Variants in ADGB observed in about 807,000 individuals in gnomAD.
ADGB encodes calpain-7-like protein.
Under a neutral mutation model 210.5 loss-of-function variants are expected in ADGB, and 172 were observed. The ratio of observed to expected loss-of-function variants is 0.82; its 90% CI spans 0.72 to 0.93. ADGB has a LOEUF of 0.93. Among genes scored for constraint, ADGB ranks in the 40% least tolerant of loss-of-function variants. ADGB has a pLI of 0.00. For missense variants in ADGB, 2,025 were observed against 1,964.8 expected (o/e 1.03, Z -0.58); for synonymous variants, 658 against 662.7 (o/e 0.99, Z 0.11).
chr6:146,808,045 G>T (rs754155545), intron 35 of ADGB, among the ~76,000 whole-genome samples: 1 of 141,900 alleles, frequency 7.0e-6, no homozygotes, highest in Admixed American at 7.2e-5. Context: ...TGTTGCCCAG[G>T]CTGGAGTGCA....
intron 26 of ADGB, among the ~76,000 whole-genome samples, chr6:146,749,895 C>T (rs925036373): frequency 2.0e-5 from 3 of 152,108 alleles, no homozygotes; most frequent in African/African-American, 4.8e-5. Flanking sequence ...AACTCACTCA[C>T]TATCATGAGG....
Position 146,674,274 on chromosome 6 carries a change from GA to G in ADGB, c.1087+1810del, listed in dbSNP as rs554934116. 2.8e-3 allele frequency among the ~76,000 whole-genome samples: 421 copies of G among 152,248 alleles called. 2 individuals are homozygous for G. Among genetic ancestry groups the G allele is most frequent in the Admixed American group, 4.6e-3 (71 of 15,284 alleles). Reference sequence around the variant, plus strand: ...TGAGAAGCTTGTCCTTGAAGAACAGGAAATTGCAAAGTGGAAGCTGATAGAG... The same window carrying G: ...TGAGAAGCTTGTCCTTGAAGAACAGGAATTGCAAAGTGGAAGCTGATAGAG... On this transcript the variant is annotated intron_variant, in intron 8 of 35. Coordinates refer to ENST00000397944, the MANE Select transcript of ADGB (RefSeq NM_024694.4).
chr6:146,622,369 A>G lies in ADGB; in HGVS notation c.75-13006A>G, dbSNP rs540305472. On this transcript the variant is annotated intron_variant, in intron 1 of 35. Transcript: ENST00000397944. ...TACCTGGAGATTCTGGAAAGAATCC[A>G]CTTTCAAGCTCATTTACGTTTTTAT... Among the ~76,000 whole-genome samples the G allele has an allele frequency of 1.2e-4, 19 of 152,284 alleles. 1 individual carries two copies. Among genetic ancestry groups the G allele is most frequent in the African/African-American group, 4.3e-4 (18 of 41,576 alleles).
At chr6:146,667,729 CT>C (rs1296213241) in intron 7 of ADGB, among the ~76,000 whole-genome samples, 2 of 151,970 alleles carry the variant, frequency 1.3e-5, no homozygotes, top group Admixed American at 1.3e-4. Context: ...ATAACAGCAA[CT>C]TTTAATTGGC....
chr6:146,802,796 C>T, intron 35 of ADGB: 2 of 1,606,152 alleles, frequency 1.2e-6, no homozygotes, highest in Non-Finnish European at 1.7e-6. Flanking sequence ...TGAAATCTCT[C>T]AATGTAACTG....
At chr6:146,694,172 ATCCCACTTGCTAGCAT>A (rs1266762734) in intron 12 of ADGB, among the ~76,000 whole-genome samples, 1 of 152,168 alleles carries the variant, frequency 6.6e-6, no homozygotes, top group Non-Finnish European at 1.5e-5. Context: ...CATAGCAGCA[ATCCCACTTGCTAGCAT>A]TCATGTTCTG....
At chr6:146,745,781 C>G in intron 25 of ADGB, 141 bp from the exon 26 acceptor site, 1 of 568,304 alleles carries the variant, frequency 1.8e-6, no homozygotes, top group East Asian at 3.1e-5. Flanking sequence ...AAACATAATC[C>G]TAGTGATTCT....
chr6:146,743,627 G>T (rs1044892161), intron 25 of ADGB, among the ~76,000 whole-genome samples: 1 of 152,122 alleles, frequency 6.6e-6, no homozygotes, highest in African/African-American at 2.4e-5. Context: ...TAGAAAAAAA[G>T]TTAAGGCCGG....
chr6:146,681,105 T>C (rs1286632966), intron 9 of ADGB, among the ~76,000 whole-genome samples: 18 of 152,294 alleles, frequency 1.2e-4, no homozygotes, highest in East Asian at 7.7e-4. Context: ...CCAGGATATA[T>C]TTTGGATATT....
chr6:146,604,261 C>T (rs761164252), intron 1 of ADGB, among the ~76,000 whole-genome samples: 56 of 152,140 alleles, frequency 3.7e-4, no homozygotes, highest in Non-Finnish European at 7.2e-4. Context: ...CAGGAAGTCC[C>T]TTGCCCTCCT....
intron 13 of ADGB, among the ~76,000 whole-genome samples, chr6:146,706,364 A>G (rs1446379753): frequency 1.3e-5 from 2 of 150,840 alleles, no homozygotes; most frequent in East Asian, 3.9e-4. Context: ...GGTTCAAGTG[A>G]TTCTCCTGTC....
intron 5 of ADGB, among the ~76,000 whole-genome samples, chr6:146,661,322 TG>T (rs1383205937): frequency 1.3e-5 from 2 of 149,742 alleles, no homozygotes; most frequent in African/African-American, 4.9e-5. Flanking sequence ...TGGGATCCAG[TG>T]ATCCTCCTGC....
chr6:146,740,741 G>A, intron 24 of ADGB, 148 bp downstream of exon 24: 1 of 707,512 alleles, frequency 1.4e-6, no homozygotes, highest in Non-Finnish European at 2.2e-6. Flanking sequence ...TTTTAAATGA[G>A]ATATTATAGA....
intron 6 of ADGB, among the ~76,000 whole-genome samples, chr6:146,666,459 T>C (rs528183371): frequency 3.3e-5 from 5 of 151,958 alleles, no homozygotes. Context: ...GAAATCAGAA[T>C]GATAAAAGAG....
intron 9 of ADGB, among the ~76,000 whole-genome samples, chr6:146,681,582 TGAAGCAAA>T (rs1467915708): frequency 2.6e-5 from 4 of 152,050 alleles, no homozygotes; most frequent in South Asian, 4.1e-4. Context: ...GTGGCCTCTA[TGAAGCAAA>T]GAAGCAAAGA....
At chr6:146,676,133 C>G (rs1776079687) in intron 8 of ADGB, among the ~76,000 whole-genome samples, 180 bp from the exon 9 acceptor site, 1 of 151,982 alleles carries the variant, frequency 6.6e-6, no homozygotes, top group Non-Finnish European at 1.5e-5. Flanking sequence ...TCAAAGTTCT[C>G]CCTGGCTTTA....
chr6:146,740,611 T>G lies in ADGB; in HGVS notation c.3023+18T>G, dbSNP rs1358177734. On this transcript the variant is annotated intron_variant, in intron 24 of 35. Transcript: ENST00000397944. ...GTATTCAGGTGAGGTTGTTATATAG[T>G]GACAAATATGTCTCTAAATGGCTTG... 1 of 1,545,900 alleles carries G rather than the reference T, an allele frequency of 6.5e-7. No individual in the cohort carries two copies. Among genetic ancestry groups the G allele is most frequent in the Non-Finnish European group, 8.7e-7 (1 of 1,144,450 alleles).
rs543692846 is a variant in ADGB, at chr6:146,701,856, C to T, written c.1707+786C>T. On this transcript the variant is annotated intron_variant, in intron 13 of 35. Coordinates refer to ENST00000397944, the MANE Select transcript of ADGB (RefSeq NM_024694.4). ...AGGAGTATCTGTAGATGGGGAGATA[C>T]GACCACATGAAATACAGCAACAGGT... 6.6e-5 allele frequency among the ~76,000 whole-genome samples: 10 copies of T among 151,868 alleles called. No individual in the cohort carries two copies. In the East Asian group the frequency reaches 1.4e-3, roughly 21 times the overall value.
At chr6:146,715,927 G>T (rs1315200995) in intron 14 of ADGB, among the ~76,000 whole-genome samples, 3 of 151,754 alleles carry the variant, frequency 2.0e-5, no homozygotes, top group Non-Finnish European at 4.4e-5. Flanking sequence ...AATTAGCAGG[G>T]CATGGTGGTG....
Sources: allele counts gnomAD v4.1 joint callset (sites outside exome capture counted in the v4.1 genomes callset), GRCh38; gene constraint gnomAD v4.1.1; transcripts MANE v1.5; gene names NCBI Gene and HGNC (gene_info 2026-07-23, HGNC 2026-07-21).